Variants in FERMT1 observed in about 807,000 individuals in gnomAD.
FERMT1 encodes fermitin family homolog 1.
A neutral mutation model predicts 85.3 loss-of-function variants in FERMT1; 60 were observed. That is an observed-to-expected ratio of 0.70 (90% confidence interval 0.57 to 0.87). The LOEUF (loss-of-function observed/expected upper bound fraction) is 0.87. FERMT1 is among the 40% of genes least tolerant of loss of function. The pLI, the probability that FERMT1 is intolerant of heterozygous loss-of-function variation, is 0.00. For synonymous variants in FERMT1, 275 were observed against 301.1 expected (o/e 0.91, Z 0.90); for missense variants, 701 against 818.9 (o/e 0.86, Z 1.76).
intron 6 of FERMT1, 120 bp downstream of exon 6, chr20:6,107,412 G>A: frequency 1.6e-6 from 1 of 606,346 alleles, no homozygotes; most frequent in Non-Finnish European, 3.0e-6. Context: ...TCACCCTGCA[G>A]GGCTAAACAG....
intron 6 of FERMT1, among the ~76,000 whole-genome samples, chr20:6,103,658 C>T (rs148640722): frequency 6.6e-6 from 1 of 151,690 alleles, no homozygotes; most frequent in Non-Finnish European, 1.5e-5. Context: ...GCTCATTAGT[C>T]TTCTGGGTTG....
intron 13 of FERMT1, among the ~76,000 whole-genome samples, chr20:6,083,677 C>A (rs1982068643): frequency 2.0e-5 from 3 of 147,390 alleles, no homozygotes; most frequent in South Asian, 4.4e-4. Context: ...GGCCACCCTC[C>A]CCACACCCGA....
At chr20:6,082,329 A>T (rs1002059150) in intron 13 of FERMT1, among the ~76,000 whole-genome samples, 3 of 152,184 alleles carry the variant, frequency 2.0e-5, no homozygotes, top group Admixed American at 6.5e-5. Context: ...CACTGGACAC[A>T]TGGAGAAGCT....
intron 3 of FERMT1, 28 bp downstream of exon 3, chr20:6,115,783 G>A: frequency 6.5e-7 from 1 of 1,528,430 alleles, no homozygotes; most frequent in Non-Finnish European, 9.1e-7. Flanking sequence ...GAGTCTACAG[G>A]GCACAGGGGC....
chr20:6,098,157 A>G (rs1982560925), intron 6 of FERMT1, among the ~76,000 whole-genome samples: 1 of 151,940 alleles, frequency 6.6e-6, no homozygotes, highest in African/African-American at 2.4e-5. Flanking sequence ...CTTCTTCACA[A>G]CCCAAATTTG....
At chr20:6,081,349 G>C (rs1981991702) in intron 13 of FERMT1, among the ~76,000 whole-genome samples, 1 of 152,088 alleles carries the variant, frequency 6.6e-6, no homozygotes, top group African/African-American at 2.4e-5. Context: ...ACCAGCCAAG[G>C]AGACCAAAAG....
At chr20:6,078,036 A>G (rs1981881029) in intron 14 of FERMT1, among the ~76,000 whole-genome samples, 1 of 152,172 alleles carries the variant, frequency 6.6e-6, no homozygotes, top group Non-Finnish European at 1.5e-5. Flanking sequence ...CACTGCCCGG[A>G]ACCCTTTCCT....
chr20:6,091,606 G>A (rs975894535), intron 9 of FERMT1, among the ~76,000 whole-genome samples: 3 of 152,176 alleles, frequency 2.0e-5, no homozygotes, highest in African/African-American at 7.2e-5. Flanking sequence ...AATAAAGACA[G>A]CACCTTTAAC....
At chr20:6,094,008 T>A (rs993904593) in intron 9 of FERMT1, 2 of 152,262 alleles carry the variant, frequency 1.3e-5, no homozygotes, top group East Asian at 1.9e-4. Flanking sequence ...TGCGACCACA[T>A]CCTACAATCA....
At chr20:6,112,347 A>T in intron 4 of FERMT1, 130 bp downstream of exon 4, 1 of 889,460 alleles carries the variant, frequency 1.1e-6, no homozygotes, top group Non-Finnish European at 1.8e-6. Flanking sequence ...TTGACTAGAT[A>T]GCCTTTCCTC....
At chr20:6,085,467 T>C (rs1982150379) in intron 11 of FERMT1, among the ~76,000 whole-genome samples, 180 bp from the exon 12 acceptor site, 1 of 152,186 alleles carries the variant, frequency 6.6e-6, no homozygotes, top group Non-Finnish European at 1.5e-5. Flanking sequence ...ACAGTAGTTT[T>C]TGAGTCCTGT....
intron 5 of FERMT1, among the ~76,000 whole-genome samples, chr20:6,108,795 CA>C (rs1401879385): frequency 1.4e-5 from 2 of 146,594 alleles, no homozygotes; most frequent in Non-Finnish European, 3.0e-5. Context: ...GCCTAGGCAA[CA>C]GAGACTCTGT....
Position 6,097,397 on chromosome 20 carries a change from A to G in FERMT1, c.957+127T>C, listed in dbSNP as rs1438389668. The G allele has an allele frequency of 1.6e-5, 12 of 746,190 alleles. 1 individual carries two copies. In the South Asian group the frequency reaches 1.7e-4, roughly 11 times the overall value. The allele number at this position is 746,190 out of a possible 1,614,324, so 46.2% of individuals were successfully genotyped here. A position where few individuals can be genotyped will look rare whatever the true frequency, so the allele number is the denominator to read the frequency against. ...AGCAAAATAAAAAATACAGAAAACA[A>G]TTGCTCTCCTTATTTTCAGATATTT... On this transcript the variant is annotated intron_variant, in intron 7 of 14. Transcript: ENST00000217289.
Position 6,077,138 on chromosome 20 carries a change from G to A in FERMT1, c.*35C>T. On this transcript the variant is annotated 3_prime_UTR_variant, in exon 15 of 15. Transcript: ENST00000217289. Reference sequence around the variant, plus strand: ...CTCTGGGGAGGGGCGCCTTTGGCTTGCCTTGTTGGTGTGAGCCGAGCACGC... The same window carrying A: ...CTCTGGGGAGGGGCGCCTTTGGCTTACCTTGTTGGTGTGAGCCGAGCACGC... 6.2e-7 allele frequency: 1 copy of A among 1,611,564 alleles called. No homozygotes were observed. The highest frequency in any genetic ancestry group is 8.5e-7 in the Non-Finnish European group (1 of 1,179,064).
chr20:6,083,772 G>A (rs1032896141), intron 13 of FERMT1, among the ~76,000 whole-genome samples: 2 of 150,770 alleles, frequency 1.3e-5, no homozygotes, highest in East Asian at 3.9e-4. Context: ...TTACCCTCTG[G>A]TTTTGGAAAT....
intron 6 of FERMT1, among the ~76,000 whole-genome samples, chr20:6,102,996 C>T (rs924835121): frequency 6.6e-6 from 1 of 152,058 alleles, no homozygotes; most frequent in Non-Finnish European, 1.5e-5. Context: ...TGTGCTTTTC[C>T]TGTACTGAAC....
chr20:6,099,039 T>C (rs1248442285), intron 6 of FERMT1, among the ~76,000 whole-genome samples: 2 of 151,994 alleles, frequency 1.3e-5, no homozygotes, highest in African/African-American at 4.8e-5. Flanking sequence ...AGCCAAAAGG[T>C]AGAAACAGCA....
At chr20:6,114,584 C>T (rs1983047705) in intron 3 of FERMT1, among the ~76,000 whole-genome samples, 1 of 152,200 alleles carries the variant, frequency 6.6e-6, no homozygotes, top group African/African-American at 2.4e-5. Context: ...TTACCAAAAA[C>T]ACAAGGTGTC....
At chr20:6,112,396 G>A in intron 4 of FERMT1, 81 bp downstream of exon 4, 1 of 1,352,584 alleles carries the variant, frequency 7.4e-7, no homozygotes. Flanking sequence ...CCTTTGTTTG[G>A]TGGGGGTGGG....
Sources: gnomAD v4.1 joint callset for allele counts (sites outside exome capture counted in the v4.1 genomes callset) on GRCh38, gnomAD v4.1.1 for gene constraint, MANE v1.5 for transcripts, NCBI Gene and HGNC (gene_info 2026-07-23, HGNC 2026-07-21) for gene names.